Variants in CELF2 observed in about 807,000 individuals in gnomAD.
CELF2 encodes the protein CUG triplet repeat RNA-binding protein 2.
CELF2 carries 8 observed loss-of-function variants against 62.6 expected under a neutral mutation model. The ratio of observed to expected loss-of-function variants is 0.13; its 90% CI spans 0.07 to 0.23. The LOEUF (loss-of-function observed/expected upper bound fraction) is 0.23, where lower values mean the gene tolerates loss of function less well. Among genes scored for constraint, CELF2 ranks in the 10% least tolerant of loss-of-function variants. CELF2 has a pLI of 1.00. For synonymous variants in CELF2, 258 were observed against 250.0 expected, an observed-to-expected ratio of 1.03 and a Z score of -0.30; for missense variants, 333 against 671.0, an observed-to-expected ratio of 0.50 and a Z score of 5.56.
chr10:11,257,065 G>A (rs2078996434), intron 4 of CELF2, among the ~76,000 whole-genome samples: 1 of 152,090 alleles, frequency 6.6e-6, no homozygotes, highest in Non-Finnish European at 1.5e-5. Context: ...TAACCTGGCT[G>A]CTTAGAACCA....
intron 1 of CELF2, among the ~76,000 whole-genome samples, chr10:10,872,064 T>G (rs2060785250): frequency 6.6e-6 from 1 of 152,248 alleles, no homozygotes; most frequent in Non-Finnish European, 1.5e-5. Flanking sequence ...CTTGATATTT[T>G]CCATGTGAAA....
the CELF2 span, among the ~76,000 whole-genome samples, chr10:10,720,992 C>T: frequency 6.6e-6 from 1 of 152,216 alleles, no homozygotes; most frequent in Admixed American, 6.5e-5. Context: ...TGCCTAGTAA[C>T]ACAGATTAAT....
the CELF2 span, among the ~76,000 whole-genome samples, chr10:10,683,428 G>A: frequency 3.9e-5 from 6 of 152,072 alleles, no homozygotes; most frequent in Middle Eastern, 3.4e-3. Flanking sequence ...GTTTCAATAC[G>A]GTCCATCTTT....
chr10:11,114,176 C>T (rs777160924), intron 1 of CELF2, among the ~76,000 whole-genome samples: 1 of 152,162 alleles, frequency 6.6e-6, no homozygotes, highest in Non-Finnish European at 1.5e-5. Context: ...TGGTCTCTCT[C>T]ATTTTAATAC....
chr10:11,137,624 T>A (rs1249524988), intron 1 of CELF2, among the ~76,000 whole-genome samples: 1 of 152,236 alleles, frequency 6.6e-6, no homozygotes. Context: ...TGGCATACAT[T>A]AAGCACTCCA....
chr10:10,973,060 C>T (rs1374863242), intron 2 of CELF2, among the ~76,000 whole-genome samples: 1 of 152,042 alleles, frequency 6.6e-6, no homozygotes, highest in Non-Finnish European at 1.5e-5. Flanking sequence ...GAGGCCGAGG[C>T]GGGTGGGTCA....
In CELF2 at chr10:11,177,228, TAG is replaced by T. The variant is rs2071526706; in HGVS notation, c.271+11547_271+11548del. Reference sequence around the variant, plus strand: ...TAAGGCATCCCCTACACAGAATGTTTAGTAGGGAGGTATTAAAATTAATAGCA... The same window carrying T: ...TAAGGCATCCCCTACACAGAATGTTTTAGGGAGGTATTAAAATTAATAGCA... On this transcript the variant is annotated intron_variant, in intron 2 of 12. Transcript: ENST00000633077. This position sits in a 1 kb window ranked among gnomAD's most constrained non-coding sequence, Gnocchi z 4.8. 6.6e-6 allele frequency among the ~76,000 whole-genome samples: 1 copy of T among 152,208 alleles called. No individual in the cohort carries two copies. The highest frequency in any genetic ancestry group is 2.4e-5 in the African/African-American group (1 of 41,456).
intron 2 of CELF2, among the ~76,000 whole-genome samples, chr10:10,987,895 T>A (rs1446104659): frequency 1.3e-5 from 2 of 152,106 alleles, no homozygotes; most frequent in Non-Finnish European, 2.9e-5. Flanking sequence ...GAAATACACA[T>A]TAAAACTACA....
the CELF2 span, among the ~76,000 whole-genome samples, chr10:10,672,190 C>T: frequency 4.5e-3 from 692 of 152,288 alleles, 4 homozygotes; most frequent in African/African-American, 0.015. Context: ...CGGTCTGTGA[C>T]TTGCCTTTTT....
the CELF2 span, among the ~76,000 whole-genome samples, chr10:10,610,503 G>T: frequency 2.6e-5 from 4 of 152,270 alleles, no homozygotes; most frequent in South Asian, 8.3e-4. Flanking sequence ...ATGTTTGATG[G>T]TTCATTTAAA....
the CELF2 span, among the ~76,000 whole-genome samples, chr10:10,517,937 C>T: frequency 1.3e-5 from 2 of 152,350 alleles, no homozygotes; most frequent in South Asian, 2.1e-4. Context: ...ACACCTGGGG[C>T]TTGCCAGTTT....
chr10:10,864,649 G>T (rs766511199), intron 1 of CELF2, among the ~76,000 whole-genome samples: 1 of 152,102 alleles, frequency 6.6e-6, no homozygotes, highest in Admixed American at 6.6e-5. Context: ...TAAGGGCACT[G>T]ATTCCATTGT....
chr10:10,539,508 A>G, the CELF2 span, among the ~76,000 whole-genome samples: 1 of 121,498 alleles, frequency 8.2e-6, no homozygotes, highest in Non-Finnish European at 1.6e-5. Context: ...ATTTTCACCC[A>G]TCAGTAATGC....
At position 11,303,936 on chromosome 10, in the gene CELF2, C is replaced by T. The variant is rs185980542; in HGVS notation, c.977-10203C>T. 3.0e-4 allele frequency among the ~76,000 whole-genome samples: 45 copies of T among 152,318 alleles called. 1 individual carries two copies. The East Asian group carries it at 3.9e-3, about 13-fold the overall frequency. On this transcript the variant is annotated intron_variant, in intron 9 of 12. Coordinates refer to ENST00000633077, the MANE Select transcript of CELF2 (RefSeq NM_001326342.2). ...GGACTTAATAGGCTAAGGCATGTGA[C>T]GTGCTTTTGGCAATGAGCAGCACGT...
intron 1 of CELF2, among the ~76,000 whole-genome samples, chr10:11,032,146 CA>C (rs56364371): frequency 0.11 from 9,901 of 86,114 alleles, 700 homozygotes; most frequent in African/African-American, 0.24. Context: ...AGGGCTTAGC[CA>C]AAAAAAAAAA....
At chr10:11,216,070 C>T (rs1392244372) in intron 2 of CELF2, among the ~76,000 whole-genome samples, 1 of 152,174 alleles carries the variant, frequency 6.6e-6, no homozygotes, top group Non-Finnish European at 1.5e-5. Context: ...GTTCAGTTCC[C>T]TTCATTCAAG....
At chr10:10,480,937 C>T in the CELF2 span, among the ~76,000 whole-genome samples, 2 of 152,094 alleles carry the variant, frequency 1.3e-5, no homozygotes, top group South Asian at 2.1e-4. Context: ...GTAGCAGGCA[C>T]CTGTAATTCC....
chr10:10,526,586 C>G, the CELF2 span, among the ~76,000 whole-genome samples: 1 of 152,186 alleles, frequency 6.6e-6, no homozygotes, highest in Admixed American at 6.5e-5. Flanking sequence ...CAACTCCCTC[C>G]TGGACTTCTC....
At chr10:10,839,442 T>A (rs1224032288) in intron 1 of CELF2, among the ~76,000 whole-genome samples, 2 of 152,204 alleles carry the variant, frequency 1.3e-5, no homozygotes, top group Non-Finnish European at 2.9e-5. Flanking sequence ...TGCCATCCAT[T>A]TATGTATACA....
Sources: allele counts gnomAD v4.1 joint callset (sites outside exome capture counted in the v4.1 genomes callset), GRCh38; gene constraint gnomAD v4.1.1; non-coding constraint Gnocchi (gnomAD v3.1); transcripts MANE v1.5; gene names NCBI Gene and HGNC (gene_info 2026-07-23, HGNC 2026-07-21).